The following LEMD2 variants were observed in gnomAD, a reference collection of about 807,000 sequenced individuals.
LEMD2 encodes LEM domain nuclear envelope protein 2.
LEMD2 carries 34 observed loss-of-function variants against 58.8 expected under a neutral mutation model. The observed-to-expected ratio is 0.58, with a 90% CI of 0.44 to 0.77. LEMD2 has a LOEUF of 0.77. LEMD2 is among the 30% of genes least tolerant of loss of function. The pLI is 0.00. For synonymous variants in LEMD2, 298 were observed against 308.9 expected, an observed-to-expected ratio of 0.96 and a Z score of 0.37; for missense variants, 629 against 717.9, an observed-to-expected ratio of 0.88 and a Z score of 1.42.
chr6:33,779,982 G>A, intron 5 of LEMD2, 118 bp downstream of exon 5: 1 of 828,222 alleles, frequency 1.2e-6, no homozygotes, highest in South Asian at 1.6e-5. Flanking sequence ...ATTCTGCTGG[G>A]AGACCCAGCC....
At chr6:33,784,450 G>A in intron 2 of LEMD2, 23 bp from the exon 3 acceptor site, 1 of 754,738 alleles carries the variant, frequency 1.3e-6, no homozygotes, top group Non-Finnish European at 2.0e-6. Context: ...GGGACAAGTG[G>A]TCAGCAAGGA....
At chr6:33,777,982 G>A (rs1210398960) in intron 6 of LEMD2, among the ~76,000 whole-genome samples, 4 of 152,200 alleles carry the variant, frequency 2.6e-5, no homozygotes, top group Admixed American at 6.5e-5. Flanking sequence ...CCAGGCTCCC[G>A]CTCAGGAAAT....
At chr6:33,788,125 T>C (rs1339514161) in intron 1 of LEMD2, among the ~76,000 whole-genome samples, 1 of 152,112 alleles carries the variant, frequency 6.6e-6, no homozygotes, top group Non-Finnish European at 1.5e-5. Flanking sequence ...CAGCTTGTGA[T>C]TGAAAGGGAG....
At chr6:33,786,071 C>G (rs116336145) in intron 2 of LEMD2, among the ~76,000 whole-genome samples, 568 of 152,344 alleles carry the variant, frequency 3.7e-3, no homozygotes, top group African/African-American at 0.012. Context: ...TGCCCTCTGG[C>G]AGCACAAGAC....
intron 1 of LEMD2, among the ~76,000 whole-genome samples, chr6:33,787,810 T>C (rs1040702416): frequency 7.2e-5 from 11 of 152,216 alleles, no homozygotes; most frequent in African/African-American, 2.7e-4. Context: ...CAAGCAATGA[T>C]AAGGGCCTCC....
chr6:33,777,921 A>G (rs752352644), intron 6 of LEMD2, among the ~76,000 whole-genome samples: 54 of 152,178 alleles, frequency 3.5e-4, no homozygotes, highest in African/African-American at 1.2e-3. Flanking sequence ...GCTGGTCCAC[A>G]CTGGGATCCC....
chr6:33,772,851 G>T, intron 8 of LEMD2, 73 bp from the exon 9 acceptor site: 1 of 1,375,930 alleles, frequency 7.3e-7, no homozygotes. Flanking sequence ...CTCCTACAAA[G>T]GGCACACATT....
chr6:33,787,545 T>C (rs889416946), intron 1 of LEMD2, among the ~76,000 whole-genome samples: 1 of 152,256 alleles, frequency 6.6e-6, no homozygotes, highest in African/African-American at 2.4e-5. Context: ...GGAACAGTAT[T>C]AGTCACATTC....
chr6:33,780,159 G>A lies in LEMD2; in HGVS notation c.951C>T (p.Ser317=), dbSNP rs369872571. The change falls in exon 5 of 9, where the codon TCC becomes TCT. Residue 317 remains serine, a synonymous_variant. Transcript: ENST00000293760. ...AGGTCAGTGCGGCTTCAAACTTGGC[G>A]GAGGAGCTGCTGGTCACATTCTGTG... ...EYIANVTSSS[S]AKFEAALTWI... is the part of the protein sequence containing the mutation. 2.0e-4 allele frequency: 319 copies of A among 1,592,792 alleles called. No individual in the cohort carries two copies. Among genetic ancestry groups the A allele is most frequent in the African/African-American group, 2.5e-4 (19 of 74,614 alleles).
rs1334967375 is a variant in LEMD2, at chr6:33,778,486, G to A, written c.1011-99C>T. 9 of 961,578 alleles carry A rather than the reference G, an allele frequency of 9.4e-6. No individual in the cohort carries two copies. The highest frequency in any genetic ancestry group is 2.4e-5 in the South Asian group (1 of 40,956). 59.6% of individuals were successfully genotyped at this position (961,578 alleles called of 1,614,324 possible). A position where few individuals can be genotyped will look rare whatever the true frequency, so the allele number is the denominator to read the frequency against. ...GGAGGAAGCGAAGGAAAGTGGGGAC[G>A]CAAGGCCTCTACTTGCTTATAGAAT... On this transcript the variant is annotated intron_variant, in intron 5 of 8. Transcript: ENST00000293760. This position sits in a 1 kb window ranked among gnomAD's most constrained non-coding sequence, Gnocchi z 4.7.
In LEMD2 at chr6:33,771,423, G is replaced by A. The variant is rs1172733906; in HGVS notation, c.*1205C>T. The A allele has an allele frequency of 6.6e-6, 1 of 152,184 alleles. No individual in the cohort carries two copies. Among genetic ancestry groups the A allele is most frequent in the Non-Finnish European group, 1.5e-5 (1 of 68,038 alleles). The allele number at this position is 152,184 out of a possible 1,614,324, so 9.4% of individuals were successfully genotyped here. On this transcript the variant is annotated 3_prime_UTR_variant, in exon 9 of 9. Transcript: ENST00000293760. ...TGAGGGAGACTGGAGCTTTATTAAG[G>A]AAACAAAAAATACCAGTAAGACTAG...
intron 8 of LEMD2, among the ~76,000 whole-genome samples, 175 bp from the exon 9 acceptor site, chr6:33,772,953 G>T (rs138837267): frequency 2.0e-5 from 3 of 152,354 alleles, no homozygotes; most frequent in African/African-American, 7.2e-5. Flanking sequence ...TTGGGCCATA[G>T]AGAAATGATT....
Position 33,781,394 on chromosome 6 carries a change from A to G in LEMD2, c.854-241T>C, listed in dbSNP as rs147094482. ...GTGGCATTTTGCATTAAATGACTAAAAAGCTGCCCAATAGCAAGGTCTCTT... is the reference window on the plus strand; with the variant it reads ...GTGGCATTTTGCATTAAATGACTAAGAAGCTGCCCAATAGCAAGGTCTCTT... On this transcript the variant is annotated intron_variant, in intron 3 of 8. Transcript: ENST00000293760. 3,317 of 507,888 alleles carry G rather than the reference A, an allele frequency of 6.5e-3. 98 individuals carry two copies. The highest frequency in any genetic ancestry group is 0.052 in the African/African-American group (2,694 of 51,828). 31.5% of individuals were successfully genotyped at this position (507,888 alleles called of 1,614,324 possible). A position where few individuals can be genotyped will look rare whatever the true frequency, so the allele number is the denominator to read the frequency against.
rs1453453457 is a variant in LEMD2, at chr6:33,786,766, A to G, written c.745T>C (p.Leu249=). 2 of 1,613,882 alleles carry G rather than the reference A, an allele frequency of 1.2e-6. No individual in the cohort carries two copies. Among genetic ancestry groups the G allele is most frequent in the East Asian group, 2.2e-5 (1 of 44,888 alleles). ...PQEAEDNMKL[L]PVDCERKTDE... is the part of the protein sequence containing the mutation. ...GTTTTTCTCTCACAGTCCACTGGCA[A>G]TAACTTCACTGAGACCAAGAAAAGA... Residue 249 remains leucine (L), a synonymous_variant, in exon 2 of 9, where the codon TTG becomes CTG. Coordinates refer to ENST00000293760, the MANE Select transcript of LEMD2 (RefSeq NM_181336.4).
At chr6:33,773,088 G>C (rs1172351161) in intron 8 of LEMD2, among the ~76,000 whole-genome samples, 1 of 152,200 alleles carries the variant, frequency 6.6e-6, no homozygotes, top group Admixed American at 6.5e-5. Context: ...GCTGGGACCT[G>C]TTGCCTGCGC....
rs1443853419 is a variant in LEMD2, at chr6:33,773,946, G to A, written c.1362-1168C>T. Reference sequence around the variant, plus strand: ...AGTCAAGAGAGCAAACAGAGCATGGGCGTCTGGGGTTCACATGGCTCTGAC... The same window carrying A: ...AGTCAAGAGAGCAAACAGAGCATGGACGTCTGGGGTTCACATGGCTCTGAC... On this transcript the variant is annotated intron_variant, in intron 8 of 8. Coordinates refer to ENST00000293760, the MANE Select transcript of LEMD2 (RefSeq NM_181336.4). Among the ~76,000 whole-genome samples, 7 of 152,206 alleles carry A rather than the reference G, an allele frequency of 4.6e-5. 1 individual carries two copies. Among genetic ancestry groups the A allele is most frequent in the African/African-American group, 9.6e-5 (4 of 41,456 alleles).
At position 33,780,158 on chromosome 6, in the gene LEMD2, C is replaced by T. The variant is rs113943329; in HGVS notation, c.952G>A (p.Ala318Thr). 21 of 1,592,808 alleles carry T rather than the reference C, an allele frequency of 1.3e-5. No homozygotes were observed. The highest frequency in any genetic ancestry group is 6.7e-5 in the African/African-American group (5 of 74,730). Residue 318 changes from alanine to threonine, a missense_variant, in exon 5 of 9, where the codon GCC (alanine) becomes ACC (threonine). Ala to Thr is a moderately conservative substitution (Grantham distance 58). Coordinates refer to ENST00000293760, the MANE Select transcript of LEMD2 (RefSeq NM_181336.4). ...CAGGTCAGTGCGGCTTCAAACTTGG[C>T]GGAGGAGCTGCTGGTCACATTCTGT... ...YIANVTSSSSAKFEAALTWIL... is the reference protein window; with the variant it reads ...YIANVTSSSSTKFEAALTWIL...
chr6:33,785,172 C>A (rs538475231), intron 2 of LEMD2, among the ~76,000 whole-genome samples: 46 of 152,286 alleles, frequency 3.0e-4, no homozygotes, highest in Admixed American at 7.2e-4. Flanking sequence ...CGTCTGTGAT[C>A]TCGGTAAGCC....
chr6:33,788,844 C>A lies in LEMD2; in HGVS notation c.273G>T (p.Gln91His). ...TCGCGTAGGCCGAGCCCGAGGCCGGCTGGGAGAGCCAGGGCTCCGCCCGCG... is the reference window on the plus strand; with the variant it reads ...TCGCGTAGGCCGAGCCCGAGGCCGGATGGGAGAGCCAGGGCTCCGCCCGCG... ...ASPRAEPWLS[Q>H]PASGSAYATP... Residue 91 changes from glutamine to histidine, a missense_variant, in exon 1 of 9, where the codon CAG (glutamine) becomes CAT (histidine). Transcript: ENST00000293760. 7.1e-7 allele frequency: 1 copy of A among 1,407,848 alleles called. No homozygotes were observed. Among genetic ancestry groups the A allele is most frequent in the Non-Finnish European group, 9.2e-7 (1 of 1,085,848 alleles). The allele number at this position is 1,407,848 out of a possible 1,614,324, so 87.2% of individuals were successfully genotyped here. A position where few individuals can be genotyped will look rare whatever the true frequency, so the allele number is the denominator to read the frequency against.
Sources: gnomAD v4.1 joint callset for allele counts (sites outside exome capture counted in the v4.1 genomes callset) on GRCh38, gnomAD v4.1.1 for gene constraint, Gnocchi (gnomAD v3.1) non-coding constraint, MANE v1.5 for transcripts, NCBI Gene and HGNC (gene_info 2026-07-23, HGNC 2026-07-21) for gene names.